Variants in CTNNA3 observed in about 807,000 individuals in gnomAD.
CTNNA3 encodes catenin alpha-3.
In CTNNA3, 76 loss-of-function variants were observed where a neutral mutation model predicts 95.7. The observed-to-expected ratio is 0.79, with a 90% CI of 0.66 to 0.96. CTNNA3 has a LOEUF of 0.96. Among genes scored for constraint, CTNNA3 ranks in the 40% least tolerant of loss-of-function variants. CTNNA3 has a pLI of 0.00. For synonymous variants in CTNNA3, 431 were observed against 374.4 expected (o/e 1.15, Z -1.74); for missense variants, 1,191 against 1,089.8 (o/e 1.09, Z -1.31).
intron 1 of CTNNA3, among the ~76,000 whole-genome samples, chr10:67,726,495 A>ATAT: frequency 1.5e-5 from 1 of 68,674 alleles, no homozygotes; most frequent in Non-Finnish European, 2.4e-5. Flanking sequence ...ATCATATACA[A>ATAT]TATATAATAT....
At chr10:67,203,525 C>A (rs1042049319) in intron 6 of CTNNA3, among the ~76,000 whole-genome samples, 1 of 152,148 alleles carries the variant, frequency 6.6e-6, no homozygotes, top group African/African-American at 2.4e-5. Context: ...AAGCATAGAT[C>A]CATTGGATAT....
At chr10:67,639,877 A>C (rs988526032) in intron 2 of CTNNA3, among the ~76,000 whole-genome samples, 1 of 152,216 alleles carries the variant, frequency 6.6e-6, no homozygotes, top group Non-Finnish European at 1.5e-5. Flanking sequence ...AGAGCTATTT[A>C]TGACCAACCG....
chr10:67,270,924 T>C (rs887651478), intron 5 of CTNNA3, among the ~76,000 whole-genome samples: 20 of 152,214 alleles, frequency 1.3e-4, no homozygotes, highest in African/African-American at 4.8e-4. Context: ...AATTTGAACC[T>C]ATTTTCAAAT....
chr10:66,945,914 T>A (rs939679631), intron 7 of CTNNA3, among the ~76,000 whole-genome samples: 10 of 152,146 alleles, frequency 6.6e-5, no homozygotes, highest in African/African-American at 1.4e-4. Context: ...TTTGTCAGAT[T>A]CTATGGTTGT....
chr10:67,018,243 T>G (rs1454995033), intron 7 of CTNNA3, among the ~76,000 whole-genome samples: 1 of 152,214 alleles, frequency 6.6e-6, no homozygotes, highest in Non-Finnish European at 1.5e-5. Flanking sequence ...AATGAGAGCA[T>G]AAAGGCATAT....
At chr10:67,521,034 G>A (rs750453221) in intron 5 of CTNNA3, among the ~76,000 whole-genome samples, 8 of 152,242 alleles carry the variant, frequency 5.3e-5, no homozygotes, top group Non-Finnish European at 8.8e-5. Flanking sequence ...GCACATTACC[G>A]AATTTCATGC....
At position 66,656,052 on chromosome 10, in the gene CTNNA3, G is replaced by A. The variant is rs147533566; in HGVS notation, c.1282-34268C>T. Among the ~76,000 whole-genome samples, 595 of 152,076 alleles carry A rather than the reference G, an allele frequency of 3.9e-3. 7 individuals are homozygous for A. The highest frequency in any genetic ancestry group is 0.013 in the African/African-American group (555 of 41,506). ...TGTTTTACATAAATTTTAGTACACG[G>A]CCAGTAAATAGTGTTATTATTTTCA... On this transcript the variant is annotated intron_variant, in intron 9 of 17. Coordinates refer to ENST00000433211, the MANE Select transcript of CTNNA3 (RefSeq NM_013266.4).
chr10:66,991,134 T>C (rs763179326), intron 7 of CTNNA3, among the ~76,000 whole-genome samples: 1 of 151,844 alleles, frequency 6.6e-6, no homozygotes, highest in Non-Finnish European at 1.5e-5. Context: ...AACATAGGGG[T>C]TTTGTAAATG....
chr10:67,200,496 A>G (rs578247523), intron 6 of CTNNA3, among the ~76,000 whole-genome samples: 108 of 152,240 alleles, frequency 7.1e-4, no homozygotes, highest in Middle Eastern at 6.8e-3. Flanking sequence ...CCCTCTAAAC[A>G]TCGGTGGTTC....
At chr10:66,942,780 T>C (rs1469825980) in intron 7 of CTNNA3, among the ~76,000 whole-genome samples, 2 of 152,186 alleles carry the variant, frequency 1.3e-5, no homozygotes, top group Non-Finnish European at 2.9e-5. Flanking sequence ...ACTTAGTAAC[T>C]ATTACATTTC....
intron 5 of CTNNA3, chr10:67,403,354 GC>G (rs1274975051): frequency 3.3e-5 from 5 of 152,306 alleles, no homozygotes; most frequent in African/African-American, 1.2e-4. Flanking sequence ...GTTGCTTTGA[GC>G]CCATTCCAGC....
At chr10:67,556,346 T>G (rs140850226) in intron 3 of CTNNA3, among the ~76,000 whole-genome samples, 3,301 of 152,316 alleles carry the variant, frequency 0.022, 150 homozygotes, top group African/African-American at 0.075. Flanking sequence ...CTCCTTTTTG[T>G]ACCTCTGGTA....
chr10:66,106,319 TTTTGTGTGTGTGTGTG>T (rs2081904578), intron 13 of CTNNA3, among the ~76,000 whole-genome samples: 2 of 142,416 alleles, frequency 1.4e-5, no homozygotes. Flanking sequence ...CATCTGGAAG[TTTTGTGTGTGTGTGTG>T]TTTGTGTGTG....
At chr10:66,283,468 CATGTAAAGATCTGTTTT>C (rs2091529589) in intron 12 of CTNNA3, among the ~76,000 whole-genome samples, 2 of 151,676 alleles carry the variant, frequency 1.3e-5, no homozygotes, top group African/African-American at 2.4e-5. Flanking sequence ...AATTTAAAGT[CATGTAAAGATCTGTTTT>C]TCACTGCCCT....
At chr10:67,399,939 T>C (rs796930023) in intron 5 of CTNNA3, among the ~76,000 whole-genome samples, 3 of 152,174 alleles carry the variant, frequency 2.0e-5, no homozygotes, top group African/African-American at 4.8e-5. Flanking sequence ...TTTATTATAC[T>C]TTAAGTTTTA....
intron 11 of CTNNA3, among the ~76,000 whole-genome samples, chr10:66,422,538 A>ATT (rs147537322): frequency 6.7e-6 from 1 of 150,186 alleles, no homozygotes; most frequent in African/African-American, 2.5e-5. Context: ...ACAAGAAGCT[A>ATT]TTTTTTTTTC....
chr10:67,735,344 A>G (rs533596281), intron 1 of CTNNA3, among the ~76,000 whole-genome samples: 5 of 152,282 alleles, frequency 3.3e-5, no homozygotes, highest in Non-Finnish European at 7.4e-5. Context: ...AAGAGATAAA[A>G]GAATCAGGAA....
At chr10:66,685,178 C>CACAT (rs1554835098) in intron 9 of CTNNA3, among the ~76,000 whole-genome samples, 1 of 126,474 alleles carries the variant, frequency 7.9e-6, no homozygotes, top group Non-Finnish European at 1.6e-5. Context: ...TATATATACA[C>CACAT]ATATATATAT....
chr10:66,341,041 T>C (rs550529113), intron 12 of CTNNA3, among the ~76,000 whole-genome samples: 3 of 152,028 alleles, frequency 2.0e-5, no homozygotes, highest in African/African-American at 4.8e-5. Flanking sequence ...AATGGGCAAG[T>C]GGATACAGAT....
Sources: gnomAD v4.1 joint callset for allele counts (sites outside exome capture counted in the v4.1 genomes callset) on GRCh38, gnomAD v4.1.1 for gene constraint, MANE v1.5 for transcripts, NCBI Gene and HGNC (gene_info 2026-07-23, HGNC 2026-07-21) for gene names.